The following TMEM39A variants were observed in gnomAD, a reference collection of about 807,000 sequenced individuals.
TMEM39A encodes suppressor of SQST-1 aggregates in rpl-43 mutants.
A neutral mutation model predicts 51.9 loss-of-function variants in TMEM39A; 19 were observed. The observed-to-expected ratio is 0.37, with a 90% CI of 0.26 to 0.54. TMEM39A has a LOEUF of 0.54. Among genes scored for constraint, TMEM39A ranks in the 20% least tolerant of loss-of-function variants. TMEM39A has a pLI of 0.88. For synonymous variants in TMEM39A, 197 were observed against 220.2 expected, an observed-to-expected ratio of 0.89 and a Z score of 0.93; for missense variants, 433 against 590.5, an observed-to-expected ratio of 0.73 and a Z score of 2.76.
intron 5 of TMEM39A, among the ~76,000 whole-genome samples, chr3:119,442,083 G>C (rs550908877): frequency 3.7e-4 from 56 of 152,342 alleles, no homozygotes; most frequent in African/African-American, 1.3e-3. Flanking sequence ...GCTCACGCCT[G>C]TAATCCCAGC....
chr3:119,459,577 T>C (rs887920831), intron 2 of TMEM39A, among the ~76,000 whole-genome samples: 1 of 152,222 alleles, frequency 6.6e-6, no homozygotes, highest in Non-Finnish European at 1.5e-5. Flanking sequence ...AAATACACAA[T>C]ATATCTTCCT....
chr3:119,437,869 A>G lies in TMEM39A; in HGVS notation c.810T>C (p.Ile270=). Residue 270 remains isoleucine (I), a synonymous_variant, in exon 6 of 9, where the codon ATT becomes ATC. Transcript: ENST00000319172. ...CTTTCAGACATTCTACTTCATTGCG[A>G]ATGAGGTCTGGAGATAGGGGACAAC... ...THSCPLSPDL[I]RNEVECLKAD... 1 of 1,612,674 alleles carries G rather than the reference A, an allele frequency of 6.2e-7. No homozygotes were observed. Among genetic ancestry groups the G allele is most frequent in the East Asian group, 2.2e-5 (1 of 44,826 alleles).
chr3:119,432,380 A>G (rs9872589), intron 8 of TMEM39A, among the ~76,000 whole-genome samples, 166 bp from the exon 9 acceptor site: 68,759 of 151,852 alleles, frequency 0.45, 16,234 homozygotes, highest in East Asian at 0.63. Flanking sequence ...TGCTATAAAG[A>G]TTGAAACCTT....
At chr3:119,444,980 T>G (rs1396922233) in intron 5 of TMEM39A, among the ~76,000 whole-genome samples, 6 of 152,062 alleles carry the variant, frequency 3.9e-5, no homozygotes, top group African/African-American at 1.4e-4. Flanking sequence ...CTTGGGAGGC[T>G]GAGGTGGGAG....
At position 119,461,955 on chromosome 3, in the gene TMEM39A, TC is replaced by T; in HGVS notation, c.113+6del. 6.2e-7 allele frequency: 1 copy of T among 1,609,750 alleles called. No individual in the cohort carries two copies. The highest frequency in any genetic ancestry group is 1.1e-5 in the South Asian group (1 of 90,690). ...TAAAATTATATATAGCCTTATTTTT[TC>T]TTTACCTGTTTCTCAAGCCTGTTCC... On this transcript the variant is annotated splice_donor_region_variant and intron_variant, in intron 2 of 8. Coordinates refer to ENST00000319172, the MANE Select transcript of TMEM39A (RefSeq NM_018266.3).
chr3:119,451,261 C>T (rs1295808415), intron 4 of TMEM39A: 26 of 1,287,246 alleles, frequency 2.0e-5, no homozygotes, highest in Non-Finnish European at 2.5e-5. Context: ...TTAGTATTTC[C>T]AGTTACTCTG....
chr3:119,449,900 G>GT lies in TMEM39A; in HGVS notation c.420+2546dup, dbSNP rs1226684922. On this transcript the variant is annotated intron_variant, in intron 4 of 8. Coordinates refer to ENST00000319172, the MANE Select transcript of TMEM39A (RefSeq NM_018266.3). The stretch of plus-strand genomic sequence containing the variant: ...AAACGGACTCTACCTACGTGGAGAG[G>GT]TAGTCCTCTCTGAATAGCATTTCCG... Among the ~76,000 whole-genome samples the GT allele has an allele frequency of 6.6e-5, 10 of 152,282 alleles. No homozygotes were observed. In the East Asian group the frequency reaches 1.7e-3, roughly 26 times the overall value.
chr3:119,447,172 C>T lies in TMEM39A; in HGVS notation c.421G>A (p.Ala141Thr), dbSNP rs1298741122. The T allele has an allele frequency of 6.2e-7, 1 of 1,605,932 alleles. No homozygotes were observed. Among genetic ancestry groups the T allele is most frequent in the East Asian group, 2.2e-5 (1 of 44,698 alleles). Residue 141 changes from alanine (A) to threonine (T), a missense_variant and splice_region_variant, in exon 5 of 9, where the codon GCT (alanine) becomes ACT (threonine). Physicochemically the swap from Ala to Thr is moderately conservative, Grantham distance 58. Coordinates refer to ENST00000319172, the MANE Select transcript of TMEM39A (RefSeq NM_018266.3). ...RRLVWALISEATKAGAASMIH... is the reference protein window; with the variant it reads ...RRLVWALISETTKAGAASMIH... Reference sequence around the variant, plus strand: ...ATTGATGCTGCACCTGCCTTAGTAGCCTGAAAGTTTGGAAGCACCAAAATG... The same window carrying T: ...ATTGATGCTGCACCTGCCTTAGTAGTCTGAAAGTTTGGAAGCACCAAAATG...
rs540553931 is a variant in TMEM39A at position 119,456,897 on chromosome 3, T to C, written c.336+1121A>G. ...CTGGGATTATAGGCATAAGCCACCA[T>C]GCCCAGGCCTTACCAATATTTTTTT... On this transcript the variant is annotated intron_variant, in intron 3 of 8. Coordinates refer to ENST00000319172, the MANE Select transcript of TMEM39A (RefSeq NM_018266.3). Among the ~76,000 whole-genome samples, 3 of 151,322 alleles carry C rather than the reference T, an allele frequency of 2.0e-5. No homozygotes were observed. The East Asian group carries it at 6.0e-4, about 30-fold the overall frequency.
Position 119,446,757 on chromosome 3 carries a change from G to A in TMEM39A, c.575+261C>T, listed in dbSNP as rs1352933818. ...AAGAGGGGCCTTTACTTGGTGAAGA[G>A]AGACAATTAAAATATTCTCCACTGG... On this transcript the variant is annotated intron_variant, in intron 5 of 8. Transcript: ENST00000319172. The A allele has an allele frequency of 1.4e-5, 5 of 353,422 alleles. No individual in the cohort carries two copies. In the South Asian group the frequency reaches 2.6e-4, roughly 18 times the overall value. The allele number at this position is 353,422 out of a possible 1,614,324, so 21.9% of individuals were successfully genotyped here.
intron 2 of TMEM39A, among the ~76,000 whole-genome samples, chr3:119,458,983 C>T (rs544567930): frequency 6.6e-6 from 1 of 152,308 alleles, no homozygotes; most frequent in East Asian, 1.9e-4. Context: ...GTTGTGACAA[C>T]ACATGTGAAG....
At chr3:119,450,449 G>A (rs1302917813) in intron 4 of TMEM39A, among the ~76,000 whole-genome samples, 1 of 152,178 alleles carries the variant, frequency 6.6e-6, no homozygotes, top group South Asian at 2.1e-4. Flanking sequence ...TTCCCTTACT[G>A]ATGAACATTA....
intron 8 of TMEM39A, among the ~76,000 whole-genome samples, chr3:119,433,181 TATC>T (rs1292234644): frequency 6.6e-6 from 1 of 152,112 alleles, no homozygotes; most frequent in Non-Finnish European, 1.5e-5. Flanking sequence ...GAAGCCAAAT[TATC>T]ATGACAGCTT....
At position 119,437,861 on chromosome 3, in the gene TMEM39A, T is replaced by G; in HGVS notation, c.818A>C (p.Glu273Ala). Reference sequence around the variant, plus strand: ...GAAATCTGCTTTCAGACATTCTACTTCATTGCGAATGAGGTCTGGAGATAG... The same window carrying G: ...GAAATCTGCTTTCAGACATTCTACTGCATTGCGAATGAGGTCTGGAGATAG... ...CPLSPDLIRN[E>A]VECLKADFNH... Residue 273 changes from glutamate to alanine, a missense_variant, in exon 6 of 9, where the codon GAA becomes GCA. Glu to Ala is a moderately radical substitution (Grantham distance 107). Transcript: ENST00000319172. 1 of 1,612,396 alleles carries G rather than the reference T, an allele frequency of 6.2e-7. No homozygotes were observed. The highest frequency in any genetic ancestry group is 8.5e-7 in the Non-Finnish European group (1 of 1,178,498).
intron 4 of TMEM39A, among the ~76,000 whole-genome samples, chr3:119,447,641 C>CA (rs1314445917): frequency 6.6e-6 from 1 of 151,134 alleles, no homozygotes; most frequent in East Asian, 1.9e-4. Flanking sequence ...TTTTTCGAGA[C>CA]AAAGTCTCGC....
chr3:119,463,144 T>A (rs886746427), intron 1 of TMEM39A, among the ~76,000 whole-genome samples, 192 bp downstream of exon 1: 2 of 152,150 alleles, frequency 1.3e-5, no homozygotes, highest in Non-Finnish European at 2.9e-5. Flanking sequence ...GAAAGAAAAG[T>A]GCAGGGAAAA....
Position 119,431,597 on chromosome 3 carries a change from C to T in TMEM39A, c.*384G>A, listed in dbSNP as rs912426756. 6.5e-5 allele frequency: 10 copies of T among 154,728 alleles called. No individual in the cohort carries two copies. The highest frequency in any genetic ancestry group is 2.4e-4 in the African/African-American group (10 of 41,440). The allele number at this position is 154,728 out of a possible 1,614,324, so 9.6% of individuals were successfully genotyped here. ...CTGGTAGGCAACTCCATTGATCTCC[C>T]TTTCTTTAGCAATAAGTACTGGCCA... On this transcript the variant is annotated 3_prime_UTR_variant, in exon 9 of 9. Coordinates refer to ENST00000319172, the MANE Select transcript of TMEM39A (RefSeq NM_018266.3).
intron 7 of TMEM39A, 109 bp downstream of exon 7, chr3:119,436,682 C>T: frequency 1.6e-6 from 2 of 1,245,814 alleles, no homozygotes; most frequent in Non-Finnish European, 2.3e-6. Context: ...AAGACAAAAA[C>T]TAAAAATTAA....
At chr3:119,446,491 C>A (rs139302140) in intron 5 of TMEM39A, among the ~76,000 whole-genome samples, 3 of 152,328 alleles carry the variant, frequency 2.0e-5, no homozygotes, top group Non-Finnish European at 2.9e-5. Context: ...GAACAGCACA[C>A]AATTTAAAAC....
Sources: gnomAD v4.1 joint callset for allele counts (sites outside exome capture counted in the v4.1 genomes callset) on GRCh38, gnomAD v4.1.1 for gene constraint, MANE v1.5 for transcripts, NCBI Gene and HGNC (gene_info 2026-07-23, HGNC 2026-07-21) for gene names.